Variants in CSMD1 observed in about 807,000 individuals in gnomAD.
The protein encoded by CSMD1 is CUB and Sushi multiple domains 1.
In CSMD1, 213 loss-of-function variants were observed where a neutral mutation model predicts 417.5. The ratio of observed to expected loss-of-function variants is 0.51; its 90% CI spans 0.46 to 0.57. CSMD1 has a LOEUF of 0.57. CSMD1 is among the 20% of genes least tolerant of loss of function. CSMD1 has a pLI of 0.00. For synonymous variants in CSMD1, 2,862 were observed against 1,736.8 expected, an observed-to-expected ratio of 1.65 and a Z score of -16.11; for missense variants, 6,923 against 4,529.7, an observed-to-expected ratio of 1.53 and a Z score of -15.17.
intron 12 of CSMD1, among the ~76,000 whole-genome samples, chr8:3,432,051 G>C (rs1260140230): frequency 6.6e-6 from 1 of 152,064 alleles, no homozygotes; most frequent in Non-Finnish European, 1.5e-5. Flanking sequence ...TTCCTACTCT[G>C]AAAATTATAA....
rs541305942 is a variant in CSMD1, at chr8:3,108,746, T to C, written c.6611A>G (p.Asp2204Gly). The C allele has an allele frequency of 3.9e-5, 62 of 1,608,740 alleles. No homozygotes were observed. The African/African-American group carries it at 8.0e-4, about 21-fold the overall frequency. Reference protein sequence around the residue: ...EAVNDYIAVWDGPDQNSPQLG... With the variant: ...EAVNDYIAVWGGPDQNSPQLG... Reference sequence around the variant, plus strand: ...CTGGGGTGAGTTCTGATCGGGACCGTCCCTAGGAAAGACAGAAAGAGGTGG... The same window carrying C: ...CTGGGGTGAGTTCTGATCGGGACCGCCCCTAGGAAAGACAGAAAGAGGTGG... Residue 2204 changes from aspartate to glycine, a missense_variant and splice_region_variant, in exon 44 of 70, where the codon GAC becomes GGC. Transcript: ENST00000635120.
chr8:4,369,430 G>A (rs1344811338), intron 3 of CSMD1, among the ~76,000 whole-genome samples: 1 of 152,124 alleles, frequency 6.6e-6, no homozygotes, highest in East Asian at 1.9e-4. Flanking sequence ...ACTGTTGGGT[G>A]GAGTGTTTTA....
intron 26 of CSMD1, chr8:3,278,502 C>T (rs1306995605): frequency 6.6e-6 from 1 of 152,062 alleles, no homozygotes; most frequent in African/African-American, 2.4e-5. Flanking sequence ...AAACAATGGC[C>T]ACACTTAAAA....
At chr8:3,695,303 C>G (rs1211735469) in intron 7 of CSMD1, among the ~76,000 whole-genome samples, 3 of 152,032 alleles carry the variant, frequency 2.0e-5, no homozygotes, top group Non-Finnish European at 4.4e-5. Context: ...AATTTGCAAG[C>G]TAATGCCCTT....
intron 7 of CSMD1, among the ~76,000 whole-genome samples, chr8:3,642,603 A>G (rs1797362998): frequency 6.6e-6 from 1 of 152,216 alleles, no homozygotes; most frequent in African/African-American, 2.4e-5. Flanking sequence ...AAACCAAACG[A>G]GAAAACCTGG....
At chr8:4,688,334 C>G (rs1478755504) in intron 1 of CSMD1, among the ~76,000 whole-genome samples, 1 of 152,104 alleles carries the variant, frequency 6.6e-6, no homozygotes, top group East Asian at 1.9e-4. Context: ...GGTCAAGTCA[C>G]CAGAACTAAA....
chr8:3,854,176 G>T (rs530420361), intron 5 of CSMD1, among the ~76,000 whole-genome samples: 2 of 144,178 alleles, frequency 1.4e-5, no homozygotes, highest in Non-Finnish European at 1.5e-5. Context: ...AAAAAAACAC[G>T]TCTTGGAAAT....
chr8:3,948,970 A>C (rs1325370265), intron 5 of CSMD1, among the ~76,000 whole-genome samples: 5 of 152,170 alleles, frequency 3.3e-5, no homozygotes, highest in African/African-American at 1.2e-4. Context: ...AATATTTATC[A>C]CCAGGGTAAG....
intron 10 of CSMD1, among the ~76,000 whole-genome samples, chr8:3,571,342 C>A (rs1002513183): frequency 1.3e-5 from 2 of 152,148 alleles, no homozygotes; most frequent in Non-Finnish European, 2.9e-5. Context: ...TAATAGCATA[C>A]ACATCTCCTA....
chr8:4,226,943 C>T (rs1801398086), intron 3 of CSMD1, among the ~76,000 whole-genome samples: 1 of 152,132 alleles, frequency 6.6e-6, no homozygotes, highest in Non-Finnish European at 1.5e-5. Flanking sequence ...TTTCATAAGG[C>T]TGCTTAACAG....
intron 11 of CSMD1, among the ~76,000 whole-genome samples, 193 bp downstream of exon 11, chr8:3,493,430 A>T (rs551094638): frequency 6.6e-6 from 1 of 152,192 alleles, no homozygotes; most frequent in African/African-American, 2.4e-5. Context: ...GTCGAAACAG[A>T]TAACACATAC....
chr8:3,780,685 C>G (rs1360400530), intron 5 of CSMD1, among the ~76,000 whole-genome samples: 1 of 152,192 alleles, frequency 6.6e-6, no homozygotes, highest in Non-Finnish European at 1.5e-5. Context: ...CTTCAGTTGT[C>G]GGCAGAAAGA....
chr8:4,646,244 T>G lies in CSMD1; in HGVS notation c.86-8686A>C, dbSNP rs1427912004. On this transcript the variant is annotated intron_variant, in intron 1 of 69. Coordinates refer to ENST00000635120, the MANE Select transcript of CSMD1 (RefSeq NM_033225.6). ...ATCTTTTTATTATATTTATTTTTTC[T>G]TAGAACTAATAATTAGTTGTATGTC... is the stretch of plus-strand genomic sequence containing the variant. 3.3e-5 allele frequency among the ~76,000 whole-genome samples: 5 copies of G among 152,334 alleles called. No homozygotes were observed. In the East Asian group the frequency reaches 9.6e-4, roughly 29 times the overall value.
chr8:3,435,634 C>T (rs1428058170), intron 12 of CSMD1, among the ~76,000 whole-genome samples: 1 of 152,194 alleles, frequency 6.6e-6, no homozygotes, highest in Non-Finnish European at 1.5e-5. Flanking sequence ...TGAGCTGTTA[C>T]ATGAGGCAAC....
intron 1 of CSMD1, among the ~76,000 whole-genome samples, chr8:4,793,339 A>G (rs1797796632): frequency 6.6e-6 from 1 of 152,168 alleles, no homozygotes; most frequent in African/African-American, 2.4e-5. Context: ...TTATTATAGT[A>G]CTATAACTAC....
At chr8:3,276,539 A>G (rs1199169141) in intron 26 of CSMD1, among the ~76,000 whole-genome samples, 1 of 152,156 alleles carries the variant, frequency 6.6e-6, no homozygotes, top group East Asian at 1.9e-4. Context: ...ACAGCAGAAG[A>G]AAGACCTGCT....
At chr8:3,031,871 T>C (rs1237429309) in intron 50 of CSMD1, among the ~76,000 whole-genome samples, 1 of 151,968 alleles carries the variant, frequency 6.6e-6, no homozygotes. Flanking sequence ...CTCTCTTTTT[T>C]TTTTTTGGCT....
chr8:4,457,529 G>A (rs564676928), intron 2 of CSMD1, among the ~76,000 whole-genome samples: 1 of 152,152 alleles, frequency 6.6e-6, no homozygotes, highest in African/African-American at 2.4e-5. Context: ...ATGTAATTAA[G>A]AAAATTTCAA....
At chr8:4,015,821 C>G (rs1184462386) in intron 4 of CSMD1, among the ~76,000 whole-genome samples, 1 of 152,150 alleles carries the variant, frequency 6.6e-6, no homozygotes, top group Admixed American at 6.5e-5. Context: ...ATTCACTAAG[C>G]AAGCGGCGTA....
Sources: allele counts gnomAD v4.1 joint callset (sites outside exome capture counted in the v4.1 genomes callset), GRCh38; gene constraint gnomAD v4.1.1; transcripts MANE v1.5; gene names NCBI Gene and HGNC (gene_info 2026-07-23, HGNC 2026-07-21).